Variants in AHCTF1 observed in about 807,000 individuals in gnomAD.
The protein encoded by AHCTF1 is AT-hook containing transcription factor 1.
AHCTF1 carries 24 observed loss-of-function variants against 248.4 expected under a neutral mutation model. The ratio of observed to expected loss-of-function variants is 0.10; its 90% CI spans 0.07 to 0.14. The LOEUF (loss-of-function observed/expected upper bound fraction) is 0.14. Ranked by LOEUF, AHCTF1 falls within the 10% of genes least tolerant of loss-of-function variation. AHCTF1 has a pLI of 1.00. For synonymous variants in AHCTF1, 786 were observed against 929.8 expected (o/e 0.85, Z 2.81); for missense variants, 2,206 against 2,636.2 (o/e 0.84, Z 3.57).
intron 4 of AHCTF1, 93 bp downstream of exon 4, chr1:246,913,139 C>T: frequency 1.9e-6 from 2 of 1,061,026 alleles, no homozygotes; most frequent in East Asian, 2.7e-5. Flanking sequence ...TTATTTTACT[C>T]CAGCTGCTAT....
intron 23 of AHCTF1, 120 bp downstream of exon 23, chr1:246,876,830 A>T: frequency 1.6e-6 from 2 of 1,229,864 alleles, no homozygotes; most frequent in South Asian, 1.5e-5. Context: ...AGGATTCTCC[A>T]AGTTCAAGGT....
At chr1:246,856,994 T>G (rs937245968) in intron 30 of AHCTF1, among the ~76,000 whole-genome samples, 1 of 152,258 alleles carries the variant, frequency 6.6e-6, no homozygotes, top group African/African-American at 2.4e-5. Context: ...AACGGTGTTA[T>G]TCAAAAGTGC....
intron 1 of AHCTF1, among the ~76,000 whole-genome samples, chr1:246,919,310 T>A (rs1326997995): frequency 2.0e-5 from 3 of 152,206 alleles, no homozygotes; most frequent in Non-Finnish European, 4.4e-5. Flanking sequence ...TTGTACAGGA[T>A]GGGTACAATA....
intron 29 of AHCTF1, among the ~76,000 whole-genome samples, chr1:246,860,201 G>A (rs1045016670): frequency 2.0e-5 from 3 of 151,876 alleles, no homozygotes; most frequent in Non-Finnish European, 4.4e-5. Flanking sequence ...GGGGGGGGCG[G>A]AGGTTGCAGT....
chr1:246,889,475 C>G (rs531052781), intron 17 of AHCTF1, among the ~76,000 whole-genome samples: 1 of 152,174 alleles, frequency 6.6e-6, no homozygotes, highest in Non-Finnish European at 1.5e-5. Flanking sequence ...TAGGAAATAA[C>G]AGATCTAGAA....
chr1:246,905,429 G>A (rs926432637), intron 6 of AHCTF1, 112 bp downstream of exon 6: 20 of 750,856 alleles, frequency 2.7e-5, no homozygotes, highest in Admixed American at 1.8e-4. Flanking sequence ...TCCGGGAGGC[G>A]GAGGTTGCAG....
chr1:246,847,550 T>G (rs769706438), intron 33 of AHCTF1, among the ~76,000 whole-genome samples: 1 of 152,150 alleles, frequency 6.6e-6, no homozygotes, highest in African/African-American at 2.4e-5. Context: ...CAGGCTGGAG[T>G]GCAGGGGCAC....
At chr1:246,911,554 G>A (rs554074041) in intron 4 of AHCTF1, among the ~76,000 whole-genome samples, 3 of 148,580 alleles carry the variant, frequency 2.0e-5, no homozygotes, top group East Asian at 2.0e-4. Flanking sequence ...CGCAATCTCG[G>A]CTCACTGCAG....
intron 17 of AHCTF1, among the ~76,000 whole-genome samples, chr1:246,889,354 C>G (rs1476510271): frequency 1.3e-5 from 2 of 152,162 alleles, no homozygotes; most frequent in Non-Finnish European, 2.9e-5. Flanking sequence ...ATGAGCCAGG[C>G]ACTGCACTAG....
chr1:246,848,974 C>A (rs1320432695), intron 33 of AHCTF1, among the ~76,000 whole-genome samples: 1 of 152,066 alleles, frequency 6.6e-6, no homozygotes, highest in African/African-American at 2.4e-5. Context: ...TTTAAAGCAC[C>A]CCCTATTAAA....
At chr1:246,852,875 G>A (rs74152747) in intron 32 of AHCTF1, among the ~76,000 whole-genome samples, 5,462 of 152,052 alleles carry the variant, frequency 0.036, 331 homozygotes, top group African/African-American at 0.13. Context: ...ATGGGCACCC[G>A]CCACAGCACC....
chr1:246,853,311 A>G lies in AHCTF1; in HGVS notation c.4355-12T>C. ...GACATCAGCCATAGCTGAAAGAAAAATGAGTGAATTTTTTACATTTAAACT... is the reference window on the plus strand; with the variant it reads ...GACATCAGCCATAGCTGAAAGAAAAGTGAGTGAATTTTTTACATTTAAACT... On this transcript the variant is annotated splice_polypyrimidine_tract_variant and intron_variant, in intron 31 of 35. Transcript: ENST00000648844. The G allele has an allele frequency of 6.3e-7, 1 of 1,596,854 alleles. No individual in the cohort carries two copies. The highest frequency in any genetic ancestry group is 8.5e-7 in the Non-Finnish European group (1 of 1,171,940).
At chr1:246,929,473 T>C (rs1029009065) in intron 1 of AHCTF1, among the ~76,000 whole-genome samples, 6 of 144,448 alleles carry the variant, frequency 4.2e-5, no homozygotes, top group Non-Finnish European at 1.5e-5. Context: ...GACCTGAAAT[T>C]TGAGTATTTA....
At chr1:246,848,686 C>T (rs555709344) in intron 33 of AHCTF1, among the ~76,000 whole-genome samples, 16 of 147,016 alleles carry the variant, frequency 1.1e-4, no homozygotes, top group South Asian at 2.2e-4. Context: ...GCCAACATGG[C>T]GAAATGCTGT....
intron 25 of AHCTF1, 152 bp from the exon 26 acceptor site, chr1:246,867,503 T>C (rs1480630769): frequency 8.9e-7 from 1 of 1,127,954 alleles, no homozygotes; most frequent in Non-Finnish European, 1.3e-6. Flanking sequence ...TTAAAGGTTT[T>C]TAAAAATTCT....
At position 246,867,721 on chromosome 1, in the gene AHCTF1, G is replaced by A. The variant is rs1183755957; in HGVS notation, c.3179C>T (p.Ser1060Phe). The A allele has an allele frequency of 2.5e-6, 4 of 1,612,422 alleles. No individual in the cohort carries two copies. The East Asian group carries it at 6.7e-5, about 27-fold the overall frequency. Residue 1060 changes from serine (S) to phenylalanine (F), a missense_variant, in exon 25 of 36, where the codon TCT (serine) becomes TTT (phenylalanine). By Grantham distance (155) the Ser-to-Phe change is radical. Transcript: ENST00000648844. The part of the protein sequence containing the change: ...TRSVFINNVL[S>F]KIGEVWASKE... ...GCTTGCCCAAACTTCTCCAATTTTA[G>A]ATAACACATTGTTGATGAAAACAGA...
chr1:246,865,911 T>A (rs1242567780), intron 26 of AHCTF1, among the ~76,000 whole-genome samples: 1 of 152,218 alleles, frequency 6.6e-6, no homozygotes, highest in Non-Finnish European at 1.5e-5. Flanking sequence ...TCTATAGTGG[T>A]ATTTAAAAAA....
intron 17 of AHCTF1, 82 bp downstream of exon 17, chr1:246,889,884 A>T: frequency 1.0e-6 from 1 of 976,512 alleles, no homozygotes; most frequent in Non-Finnish European, 1.6e-6. Flanking sequence ...CTACCCATTT[A>T]ATCACTTTGT....
intron 21 of AHCTF1, among the ~76,000 whole-genome samples, chr1:246,879,645 T>C (rs1663246383): frequency 6.6e-6 from 1 of 151,964 alleles, no homozygotes; most frequent in African/African-American, 2.4e-5. Flanking sequence ...CTGGCCAACA[T>C]GGCAAAACCC....
Sources: gnomAD v4.1 joint callset for allele counts (sites outside exome capture counted in the v4.1 genomes callset) on GRCh38, gnomAD v4.1.1 for gene constraint, MANE v1.5 for transcripts, NCBI Gene and HGNC (gene_info 2026-07-23, HGNC 2026-07-21) for gene names.